The following FSTL4 variants were observed in gnomAD, a reference collection of about 807,000 sequenced individuals.
The protein encoded by FSTL4 is follistatin-related protein 4.
In FSTL4, 28 loss-of-function variants were observed where a neutral mutation model predicts 78.2. The observed-to-expected ratio is 0.36, with a 90% CI of 0.27 to 0.49. FSTL4 has a LOEUF of 0.49. Ranked by LOEUF, FSTL4 falls within the 20% of genes least tolerant of loss-of-function variation. The pLI, the probability that FSTL4 is intolerant of heterozygous loss-of-function variation, is 0.98. For missense variants in FSTL4, 922 were observed against 1,084.9 expected, an observed-to-expected ratio of 0.85 and a Z score of 2.11; for synonymous variants, 422 against 440.5, an observed-to-expected ratio of 0.96 and a Z score of 0.53.
chr5:133,739,241 C>T, the FSTL4 span, among the ~76,000 whole-genome samples: 1 of 152,084 alleles, frequency 6.6e-6, no homozygotes, highest in African/African-American at 2.4e-5. Context: ...CAAAAACCTG[C>T]CACACAGAGC....
At chr5:133,602,090 G>A (rs1760882377) in intron 2 of FSTL4, among the ~76,000 whole-genome samples, 1 of 152,018 alleles carries the variant, frequency 6.6e-6, no homozygotes, top group Non-Finnish European at 1.5e-5. Flanking sequence ...CAGTTTCAAT[G>A]ATTAGAAGTT....
At chr5:133,625,356 T>G in the FSTL4 span, among the ~76,000 whole-genome samples, 1 of 151,750 alleles carries the variant, frequency 6.6e-6, no homozygotes, top group African/African-American at 2.4e-5. Flanking sequence ...TTTATACATT[T>G]TGAAGAATTA....
the FSTL4 span, among the ~76,000 whole-genome samples, chr5:133,720,326 A>C: frequency 6.6e-6 from 1 of 152,192 alleles, no homozygotes; most frequent in East Asian, 1.9e-4. Flanking sequence ...TAAATAACTA[A>C]ATTAGTTTTC....
the FSTL4 span, among the ~76,000 whole-genome samples, chr5:133,837,739 A>C: frequency 1.3e-5 from 2 of 152,216 alleles, no homozygotes; most frequent in Non-Finnish European, 2.9e-5. Flanking sequence ...CCCATGAAAA[A>C]TGCCAAAAGC....
chr5:133,222,893 C>G (rs1751190593), intron 11 of FSTL4, among the ~76,000 whole-genome samples: 1 of 152,224 alleles, frequency 6.6e-6, no homozygotes, highest in Admixed American at 6.5e-5. Flanking sequence ...ATCTCCAGAC[C>G]TTGAGTTTCA....
At chr5:133,427,469 C>A in intron 3 of FSTL4, 1 of 371,112 alleles carries the variant, frequency 2.7e-6, no homozygotes, top group South Asian at 2.3e-5. Context: ...GCCCAGGAAA[C>A]TGTTGGTAAG....
intron 3 of FSTL4, among the ~76,000 whole-genome samples, chr5:133,424,702 C>T (rs946671735): frequency 4.6e-5 from 7 of 152,234 alleles, no homozygotes; most frequent in Non-Finnish European, 1.0e-4. Context: ...CATGTGGTCA[C>T]TAGGCAGCAT....
chr5:133,381,553 G>C (rs1755570979), intron 4 of FSTL4, among the ~76,000 whole-genome samples: 1 of 152,210 alleles, frequency 6.6e-6, no homozygotes, highest in African/African-American at 2.4e-5. Context: ...CAGGCAGGGA[G>C]GAGGACGTTG....
chr5:133,788,998 T>C, the FSTL4 span, among the ~76,000 whole-genome samples: 2 of 152,192 alleles, frequency 1.3e-5, no homozygotes, highest in Non-Finnish European at 2.9e-5. Context: ...CCCTCTCTGC[T>C]CCTCCTTCAA....
chr5:133,331,925 G>A (rs1205628378), intron 4 of FSTL4, among the ~76,000 whole-genome samples: 1 of 152,208 alleles, frequency 6.6e-6, no homozygotes, highest in Non-Finnish European at 1.5e-5. Context: ...GGCAGCCCGT[G>A]GAGGGAGCTG....
chr5:133,743,053 T>C, the FSTL4 span, among the ~76,000 whole-genome samples: 1 of 152,092 alleles, frequency 6.6e-6, no homozygotes, highest in Non-Finnish European at 1.5e-5. Flanking sequence ...ATCAAAGCAA[T>C]CATCTCTCCT....
At chr5:133,451,847 G>C (rs1029743327) in intron 3 of FSTL4, among the ~76,000 whole-genome samples, 1 of 152,226 alleles carries the variant, frequency 6.6e-6, no homozygotes, top group African/African-American at 2.4e-5. Flanking sequence ...TCTGGCAACG[G>C]ATTTGCTGTA....
chr5:133,733,830 G>T, the FSTL4 span, among the ~76,000 whole-genome samples: 3 of 152,190 alleles, frequency 2.0e-5, no homozygotes, highest in South Asian at 6.2e-4. Context: ...GGGAGCTGGG[G>T]CTGCGGACTC....
rs375922843 is a variant in FSTL4 at position 133,467,740 on chromosome 5, G to A, written c.161-66754C>T. On this transcript the variant is annotated intron_variant, in intron 3 of 15. Coordinates refer to ENST00000265342, the MANE Select transcript of FSTL4 (RefSeq NM_015082.2). ...GCACCCCCACCCCGATGGAGCACAC[G>A]GCTCACCTCATAAAGGCCTCAACCT... is the stretch of plus-strand genomic sequence containing the variant. 1.5e-4 allele frequency among the ~76,000 whole-genome samples: 23 copies of A among 152,080 alleles called. No individual in the cohort carries two copies. The East Asian group carries it at 2.9e-3, about 19-fold the overall frequency.
chr5:133,791,029 C>A, the FSTL4 span, among the ~76,000 whole-genome samples: 4 of 152,196 alleles, frequency 2.6e-5, no homozygotes, highest in African/African-American at 4.8e-5. Context: ...CCTCTCTGAT[C>A]CCTTCTCCTA....
intron 3 of FSTL4, among the ~76,000 whole-genome samples, chr5:133,482,674 C>T (rs968795025): frequency 3.9e-5 from 6 of 152,322 alleles, no homozygotes; most frequent in Admixed American, 2.6e-4. Flanking sequence ...TGTCTCACCA[C>T]AGCACATGGC....
At position 133,578,817 on chromosome 5, in the gene FSTL4, T is replaced by C. The variant is rs534996497; in HGVS notation, c.127-11598A>G. Reference sequence around the variant, plus strand: ...ATGTCAATAACTGATTGATCACTGCTCCTTGTTAAACATAATCGCCTGCAC... The same window carrying C: ...ATGTCAATAACTGATTGATCACTGCCCCTTGTTAAACATAATCGCCTGCAC... On this transcript the variant is annotated intron_variant, in intron 2 of 15. Coordinates refer to ENST00000265342, the MANE Select transcript of FSTL4 (RefSeq NM_015082.2). Among the ~76,000 whole-genome samples the C allele has an allele frequency of 7.2e-5, 11 of 152,362 alleles. 1 individual carries two copies. The South Asian group carries it at 2.3e-3, about 32-fold the overall frequency.
upstream of FSTL4, among the ~76,000 whole-genome samples, chr5:133,613,967 A>T (rs1005649552): frequency 1.3e-5 from 2 of 152,206 alleles, no homozygotes; most frequent in Non-Finnish European, 2.9e-5. Flanking sequence ...CAGATTCTCC[A>T]TGGCAGGACT....
chr5:133,283,856 AG>A (rs1255292529), intron 6 of FSTL4, among the ~76,000 whole-genome samples: 1 of 152,198 alleles, frequency 6.6e-6, no homozygotes, highest in Non-Finnish European at 1.5e-5. Context: ...CATGGCTGGG[AG>A]GCCTCAGGAA....
Sources: allele counts gnomAD v4.1 joint callset (sites outside exome capture counted in the v4.1 genomes callset), GRCh38; gene constraint gnomAD v4.1.1; transcripts MANE v1.5; gene names NCBI Gene and HGNC (gene_info 2026-07-23, HGNC 2026-07-21).